Variants in NEMF observed in about 807,000 individuals in gnomAD.
The protein encoded by NEMF is ribosome quality control complex subunit NEMF.
NEMF carries 89 observed loss-of-function variants against 162.2 expected under a neutral mutation model. The observed-to-expected ratio is 0.55, with a 90% CI of 0.46 to 0.65. The LOEUF (loss-of-function observed/expected upper bound fraction) is 0.65, where lower values mean the gene tolerates loss of function less well. NEMF is among the 30% of genes least tolerant of loss of function. The probability of loss-of-function intolerance (pLI) is 0.00; values close to 1 mark genes in which losing one functional copy is unlikely to be tolerated. For missense variants in NEMF, 1,133 were observed against 1,261.9 expected (o/e 0.90, Z 1.55); for synonymous variants, 421 against 404.5 (o/e 1.04, Z -0.49).
chr14:49,840,437 G>A (rs1893141407), intron 5 of NEMF, among the ~76,000 whole-genome samples: 1 of 146,518 alleles, frequency 6.8e-6, no homozygotes, highest in Non-Finnish European at 1.5e-5. Flanking sequence ...ACTCCAGCCT[G>A]AGCAACAGAG....
Position 49,807,592 on chromosome 14 carries a change from A to ATT in NEMF, c.1745-1461_1745-1460dup, listed in dbSNP as rs371689750. 6.9e-4 allele frequency among the ~76,000 whole-genome samples: 86 copies of ATT among 125,328 alleles called. 1 individual carries two copies. Among genetic ancestry groups the ATT allele is most frequent in the Non-Finnish European group, 9.5e-4 (56 of 59,040 alleles). 82.2% of individuals were successfully genotyped at this position (125,328 alleles called of 152,430 possible). On this transcript the variant is annotated intron_variant, in intron 18 of 32. Coordinates refer to ENST00000298310, the MANE Select transcript of NEMF (RefSeq NM_004713.6). Reference sequence around the variant, plus strand: ...AGTGGGTATAAAGTGGTATCTTGTGATTTTTTTTTTTTTTTTTTTTTGAGA... The same window carrying ATT: ...AGTGGGTATAAAGTGGTATCTTGTGATTTTTTTTTTTTTTTTTTTTTTTGAGA...
intron 1 of NEMF, 40 bp downstream of exon 1, chr14:49,852,655 T>C: frequency 6.2e-7 from 1 of 1,609,130 alleles, no homozygotes; most frequent in Non-Finnish European, 8.5e-7. Context: ...CTCTGCCTCC[T>C]GCACTCCCCA....
intron 28 of NEMF, 94 bp downstream of exon 28, chr14:49,789,052 G>C: frequency 1.1e-6 from 1 of 917,528 alleles, no homozygotes; most frequent in South Asian, 1.5e-5. Flanking sequence ...TTACTCACTT[G>C]TCTTGGTTTT....
At chr14:49,818,538 G>A (rs150852126) in intron 16 of NEMF, 6 of 152,260 alleles carry the variant, frequency 3.9e-5, no homozygotes, top group African/African-American at 1.2e-4. Context: ...AAAACAGGAG[G>A]ACTGGCTGAG....
In NEMF at chr14:49,806,230, G is replaced by GTATATA. The variant is rs1219496185; in HGVS notation, c.1745-98_1745-97insTATATA. ...TGCCGCATGACAGGGTCAATGATAT[G>GTATATA]TGTATATATATATATATATATATAT... On this transcript the variant is annotated intron_variant, in intron 18 of 32. Transcript: ENST00000298310. The GTATATA allele has an allele frequency of 1.9e-5, 2 of 104,320 alleles. 1 individual carries two copies. The highest frequency in any genetic ancestry group is 4.0e-4 in the East Asian group (2 of 5,020). 6.5% of individuals were successfully genotyped at this position (104,320 alleles called of 1,614,324 possible).
At chr14:49,835,211 C>T (rs1892840147) in intron 6 of NEMF, among the ~76,000 whole-genome samples, 1 of 91,492 alleles carries the variant, frequency 1.1e-5, no homozygotes, top group Admixed American at 1.3e-4. Flanking sequence ...CCGCCCCACC[C>T]CGCAACCAAA....
chr14:49,796,672 C>T (rs1890706403), intron 25 of NEMF, among the ~76,000 whole-genome samples: 1 of 152,178 alleles, frequency 6.6e-6, no homozygotes, highest in Non-Finnish European at 1.5e-5. Flanking sequence ...TATTAATCTT[C>T]CTTAATCATT....
rs113253682 is a variant in NEMF at position 49,801,163 on chromosome 14, C to A, written c.2096-467G>T. ...TCACCTGTAAAATGAGATGCCACCA[C>A]TCATCTGACAAGGATGGTTGTGAGA... On this transcript the variant is annotated intron_variant, in intron 22 of 32. Transcript: ENST00000298310. 7.0e-4 allele frequency: 112 copies of A among 159,618 alleles called. 1 individual carries two copies. The highest frequency in any genetic ancestry group is 2.5e-3 in the African/African-American group (103 of 41,602). The allele number at this position is 159,618 out of a possible 1,614,324, so 9.9% of individuals were successfully genotyped here.
intron 4 of NEMF, among the ~76,000 whole-genome samples, chr14:49,845,247 C>G (rs538532301): frequency 6.6e-6 from 1 of 152,208 alleles, no homozygotes; most frequent in Non-Finnish European, 1.5e-5. Flanking sequence ...TGCCCGCCAC[C>G]ACGCCCAGCT....
intron 6 of NEMF, 100 bp downstream of exon 6, chr14:49,838,039 C>A (rs1436543373): frequency 7.9e-6 from 7 of 887,066 alleles, no homozygotes; most frequent in African/African-American, 1.6e-5. Flanking sequence ...CCAAGGATCA[C>A]TTGTTCAAAT....
intron 18 of NEMF, among the ~76,000 whole-genome samples, chr14:49,809,591 G>A (rs1341504955): frequency 6.6e-6 from 1 of 152,178 alleles, no homozygotes; most frequent in Non-Finnish European, 1.5e-5. Context: ...GGCTGGGCTT[G>A]GTGACTCATG....
Position 49,784,660 on chromosome 14 carries a change from A to T in NEMF, c.3207T>A (p.Asn1069Lys). 1 of 1,611,468 alleles carries T rather than the reference A, an allele frequency of 6.2e-7. No individual in the cohort carries two copies. The highest frequency in any genetic ancestry group is 8.5e-7 in the Non-Finnish European group (1 of 1,178,822). The change falls in exon 33 of 33, where the codon AAT (asparagine) becomes AAA (lysine). Residue 1069 changes from asparagine to lysine, a missense_variant. Around this residue, in one of 3 missense-constraint regions of NEMF, gnomAD observed 532 missense variants for 578.6 expected, o/e 0.92. Coordinates refer to ENST00000298310, the MANE Select transcript of NEMF (RefSeq NM_004713.6). ...IPGKVKVSAP[N>K]LLNVKRK Reference sequence around the variant, plus strand: ...GCTATTTCCTTTTTACGTTCAGAAGATTGGGTGCAGACACTTTCACTTTGC... The same window carrying T: ...GCTATTTCCTTTTTACGTTCAGAAGTTTGGGTGCAGACACTTTCACTTTGC...
intron 18 of NEMF, among the ~76,000 whole-genome samples, chr14:49,807,370 C>T (rs2086567298): frequency 6.6e-6 from 1 of 152,158 alleles, no homozygotes; most frequent in South Asian, 2.1e-4. Context: ...TGTGTAGACA[C>T]ATACCTTTGC....
chr14:49,845,523 T>G (rs1412616537), intron 4 of NEMF, among the ~76,000 whole-genome samples: 2 of 152,254 alleles, frequency 1.3e-5, no homozygotes, highest in East Asian at 3.8e-4. Context: ...TTTTTAGCTT[T>G]TTGACTCTTG....
At chr14:49,816,979 G>C (rs1891745784) in intron 16 of NEMF, among the ~76,000 whole-genome samples, 1 of 152,146 alleles carries the variant, frequency 6.6e-6, no homozygotes, top group Admixed American at 6.5e-5. Context: ...CAAGCAAAAA[G>C]CAAACAGTAA....
intron 3 of NEMF, chr14:49,849,678 T>A (rs1455160112): frequency 1.3e-5 from 2 of 152,200 alleles, no homozygotes; most frequent in African/African-American, 4.8e-5. Context: ...CAGTGTCCTA[T>A]TTCATTGGCC....
chr14:49,831,254 C>T (rs757329231), intron 11 of NEMF, 45 bp downstream of exon 11: 19 of 1,075,144 alleles, frequency 1.8e-5, no homozygotes, highest in Admixed American at 9.3e-5. Flanking sequence ...CCCATCAAGC[C>T]GCTAAAGACT....
At chr14:49,795,037 T>G (rs1291960461) in intron 26 of NEMF, among the ~76,000 whole-genome samples, 1 of 151,766 alleles carries the variant, frequency 6.6e-6, no homozygotes, top group African/African-American at 2.4e-5. Context: ...TTTTGAAGAG[T>G]GTATTATATC....
chr14:49,800,557 T>C lies in NEMF; in HGVS notation c.2235A>G (p.Glu745=), dbSNP rs1253557965. The change falls in exon 23 of 33, where the codon GAA becomes GAG. Residue 745 remains glutamate, a synonymous_variant. Coordinates refer to ENST00000298310, the MANE Select transcript of NEMF (RefSeq NM_004713.6). ...RDELNEELIQ[E]ESSEDEGEYE... ...ATTCTCCTTCGTCTTCAGAGCTTTC[T>C]TCCTGAATGAGCTCCTCATTTAGTT... 1 of 1,614,106 alleles carries C rather than the reference T, an allele frequency of 6.2e-7. No homozygotes were observed. Among genetic ancestry groups the C allele is most frequent in the Non-Finnish European group, 8.5e-7 (1 of 1,179,982 alleles).
Sources: allele counts gnomAD v4.1 joint callset (sites outside exome capture counted in the v4.1 genomes callset), GRCh38; gene constraint gnomAD v4.1.1; regional missense constraint gnomAD v4.1.1; transcripts MANE v1.5; gene names NCBI Gene and HGNC (gene_info 2026-07-23, HGNC 2026-07-21).